Variants in LINGO2 observed in about 807,000 individuals in gnomAD.
LINGO2 encodes the protein leucine rich repeat and Ig domain containing 2.
Under a neutral mutation model 30.6 loss-of-function variants are expected in LINGO2, and 14 were observed. That is an observed-to-expected ratio of 0.46 (90% confidence interval 0.30 to 0.72). The LOEUF is 0.72. LINGO2 is among the 30% of genes least tolerant of loss of function. The pLI, the probability that LINGO2 is intolerant of heterozygous loss-of-function variation, is 0.07. For synonymous variants in LINGO2, 317 were observed against 288.5 expected (o/e 1.10, Z -1.00); for missense variants, 729 against 751.7 (o/e 0.97, Z 0.35).
the LINGO2 span, among the ~76,000 whole-genome samples, chr9:29,186,112 A>AT: frequency 6.6e-6 from 1 of 152,050 alleles, no homozygotes; most frequent in East Asian, 1.9e-4. Context: ...TCACATTCCA[A>AT]TTTTCTCATT....
chr9:27,987,983 C>G (rs1821206061), intron 5 of LINGO2, among the ~76,000 whole-genome samples: 1 of 151,994 alleles, frequency 6.6e-6, no homozygotes, highest in African/African-American at 2.4e-5. Context: ...GGTGTATCTC[C>G]TAATGCTATC....
intron 1 of LINGO2, among the ~76,000 whole-genome samples, chr9:28,655,366 C>T (rs182239934): frequency 6.6e-6 from 1 of 152,038 alleles, no homozygotes; most frequent in African/African-American, 2.4e-5. Flanking sequence ...AAGTAACTAA[C>T]TTGCTTTTGA....
chr9:28,805,004 G>T, the LINGO2 span, among the ~76,000 whole-genome samples: 2 of 152,190 alleles, frequency 1.3e-5, no homozygotes, highest in East Asian at 3.9e-4. Flanking sequence ...GCCCTATACA[G>T]TCCACGTCTT....
chr9:28,962,849 G>A, the LINGO2 span, among the ~76,000 whole-genome samples: 1 of 151,516 alleles, frequency 6.6e-6, no homozygotes, highest in African/African-American at 2.4e-5. Flanking sequence ...TTCCCTTAAA[G>A]AGATTTACCC....
the LINGO2 span, among the ~76,000 whole-genome samples, chr9:28,820,438 A>AT: frequency 6.6e-6 from 1 of 152,202 alleles, no homozygotes; most frequent in African/African-American, 2.4e-5. Context: ...TGCAAGCAGT[A>AT]TAACAGCTTT....
the LINGO2 span, among the ~76,000 whole-genome samples, chr9:29,085,281 T>TAAAAAAAAAAAAAAA: frequency 1.3e-5 from 1 of 77,034 alleles, no homozygotes; most frequent in Non-Finnish European, 2.7e-5. Flanking sequence ...CTATGGTAAG[T>TAAAAAAAAAAAAAAA]AAAAAAAAAA....
At chr9:28,564,700 T>C (rs1392823238) in intron 1 of LINGO2, among the ~76,000 whole-genome samples, 1 of 152,154 alleles carries the variant, frequency 6.6e-6, no homozygotes, top group Non-Finnish European at 1.5e-5. Flanking sequence ...GTTTATAACA[T>C]TAGACCTATG....
chr9:28,370,659 AT>A (rs1057374919), intron 3 of LINGO2, among the ~76,000 whole-genome samples: 10 of 152,158 alleles, frequency 6.6e-5, no homozygotes, highest in Admixed American at 2.0e-4. Context: ...GACATAAACA[AT>A]TTTAGCCAAC....
At chr9:28,848,397 G>GTGTGTGTATATATA in the LINGO2 span, among the ~76,000 whole-genome samples, 37 of 48,424 alleles carry the variant, frequency 7.6e-4, no homozygotes, top group Non-Finnish European at 1.3e-3. Flanking sequence ...GTGTGTGTGT[G>GTGTGTGTATATATA]TATATATATA....
At chr9:28,309,537 C>G (rs1824521095) in intron 3 of LINGO2, among the ~76,000 whole-genome samples, 2 of 151,426 alleles carry the variant, frequency 1.3e-5, no homozygotes, top group Non-Finnish European at 2.9e-5. Flanking sequence ...ACATATATAA[C>G]TAACCTGCAT....
chr9:28,412,305 C>T lies in LINGO2; in HGVS notation c.-278-39437G>A, dbSNP rs558996351. On this transcript the variant is annotated intron_variant, in intron 2 of 5. Transcript: ENST00000379992. ...TCTAATGATTTATGATTTTGAGCATCTTTTCATGCTTAATGATTAATTGGC... is the reference window on the plus strand; with the variant it reads ...TCTAATGATTTATGATTTTGAGCATTTTTTCATGCTTAATGATTAATTGGC... 5.6e-4 allele frequency among the ~76,000 whole-genome samples: 85 copies of T among 151,184 alleles called. 1 individual carries two copies. The highest frequency in any genetic ancestry group is 3.4e-3 in the Middle Eastern group (1 of 294).
chr9:28,342,789 C>CT (rs138520082), intron 3 of LINGO2, among the ~76,000 whole-genome samples: 5,133 of 152,044 alleles, frequency 0.034, 280 homozygotes, highest in African/African-American at 0.12. Context: ...AAAACATACT[C>CT]TTTTTTCTCC....
intron 1 of LINGO2, among the ~76,000 whole-genome samples, chr9:28,645,319 C>T (rs985287503): frequency 6.6e-6 from 1 of 152,064 alleles, no homozygotes; most frequent in Non-Finnish European, 1.5e-5. Context: ...AGGTCATTCA[C>T]ATAAACATAA....
chr9:28,642,859 A>AT (rs1302015434), intron 1 of LINGO2, among the ~76,000 whole-genome samples: 1 of 152,102 alleles, frequency 6.6e-6, no homozygotes, highest in African/African-American at 2.4e-5. Flanking sequence ...TTCAAGGCAG[A>AT]TTTTGTTTCT....
intron 2 of LINGO2, among the ~76,000 whole-genome samples, chr9:28,451,598 C>A (rs1824650357): frequency 6.6e-6 from 1 of 151,604 alleles, no homozygotes; most frequent in Non-Finnish European, 1.5e-5. Context: ...TATTTTTAAA[C>A]CAATTATTCA....
chr9:29,007,861 C>T, the LINGO2 span, among the ~76,000 whole-genome samples: 3 of 151,976 alleles, frequency 2.0e-5, no homozygotes, highest in Non-Finnish European at 4.4e-5. Context: ...GAGTTAAGGG[C>T]TGAAGATACA....
At chr9:28,510,114 C>T (rs1820311042) in intron 1 of LINGO2, among the ~76,000 whole-genome samples, 1 of 152,136 alleles carries the variant, frequency 6.6e-6, no homozygotes, top group Admixed American at 6.6e-5. Flanking sequence ...GTTAAATATA[C>T]TTGTGGAAAG....
the LINGO2 span, among the ~76,000 whole-genome samples, chr9:28,759,411 G>T: frequency 6.6e-6 from 1 of 152,006 alleles, no homozygotes; most frequent in Non-Finnish European, 1.5e-5. Flanking sequence ...GGCCGGGTGC[G>T]GTGGCTCACA....
At chr9:28,559,546 G>A (rs1163795434) in intron 1 of LINGO2, among the ~76,000 whole-genome samples, 2 of 151,974 alleles carry the variant, frequency 1.3e-5, no homozygotes, top group African/African-American at 2.4e-5. Flanking sequence ...GGCCACTGAC[G>A]GCCTTTGGTA....
Sources: allele counts gnomAD v4.1 joint callset (sites outside exome capture counted in the v4.1 genomes callset), GRCh38; gene constraint gnomAD v4.1.1; transcripts MANE v1.5; gene names NCBI Gene and HGNC (gene_info 2026-07-23, HGNC 2026-07-21).